The following ANKFN1 variants were observed in gnomAD, a reference collection of about 807,000 sequenced individuals.
ANKFN1 encodes ankyrin repeat and fibronectin type III domain containing 1.
Under a neutral mutation model 108.7 loss-of-function variants are expected in ANKFN1, and 74 were observed. That is an observed-to-expected ratio of 0.68 (90% confidence interval 0.56 to 0.83). The LOEUF (loss-of-function observed/expected upper bound fraction) is 0.83, where lower values mean the gene tolerates loss of function less well. Ranked by LOEUF, ANKFN1 falls within the 40% of genes least tolerant of loss-of-function variation. The pLI, the probability that ANKFN1 is intolerant of heterozygous loss-of-function variation, is 0.00. For synonymous variants in ANKFN1, 547 were observed against 516.2 expected (o/e 1.06, Z -0.81); for missense variants, 1,505 against 1,382.3 (o/e 1.09, Z -1.41).
intron 1 of ANKFN1, among the ~76,000 whole-genome samples, chr17:56,165,024 G>A (rs75647582): frequency 0.024 from 3,635 of 152,290 alleles, 131 homozygotes; most frequent in African/African-American, 0.083. Flanking sequence ...TAATGTTTCA[G>A]AGCCCACCTA....
intron 4 of ANKFN1, among the ~76,000 whole-genome samples, 187 bp downstream of exon 4, chr17:56,326,542 G>A (rs1046637349): frequency 7.2e-5 from 11 of 152,192 alleles, no homozygotes; most frequent in Non-Finnish European, 1.5e-5. Flanking sequence ...GTCTGCAATT[G>A]TACATACACG....
At chr17:56,368,056 C>A in intron 6 of ANKFN1, 1 of 566,094 alleles carries the variant, frequency 1.8e-6, no homozygotes, top group Non-Finnish European at 2.7e-6. Context: ...GAAAATAGCC[C>A]CATTCTGCCA....
At chr17:56,377,459 T>TG (rs1322686780) in intron 8 of ANKFN1, among the ~76,000 whole-genome samples, 2 of 94,578 alleles carry the variant, frequency 2.1e-5, no homozygotes, top group Non-Finnish European at 5.4e-5. Flanking sequence ...TTTTTCTGAA[T>TG]TTCCCCTGAA....
In ANKFN1 at chr17:56,350,887, C is replaced by A; in HGVS notation, c.310C>A (p.Leu104Met). ...CCTGTACAGGAACCTCTCTGAGAAACTGAAAGGGAGCCACTCTTCCTTCGA... is the reference window on the plus strand; with the variant it reads ...CCTGTACAGGAACCTCTCTGAGAAAATGAAAGGGAGCCACTCTTCCTTCGA... ...KRLYRNLSEK[L>M]KGSHSSFDEA... Residue 104 changes from leucine (L) to methionine (M), a missense_variant, in exon 5 of 21, where the codon CTG becomes ATG. Leu to Met is a conservative substitution (Grantham distance 15). Coordinates refer to ENST00000682825, the MANE Select transcript of ANKFN1 (RefSeq NM_001370326.1). 4 of 1,613,802 alleles carry A rather than the reference C, an allele frequency of 2.5e-6. No individual in the cohort carries two copies. The highest frequency in any genetic ancestry group is 3.4e-6 in the Non-Finnish European group (4 of 1,179,878).
Position 56,065,994 on chromosome 17 carries a change from T to A in ANKFN1, c.288+19669T>A, listed in dbSNP as rs1209064470. On this transcript the variant is annotated intron_variant, in intron 4 of 12. Coordinates refer to the ANKFN1 transcript ENST00000635860. ...AATAAAGTGAAGCAACAAAATTAGG[T>A]ATGCCTATGCCTATGACCACACCTT... 2.0e-5 allele frequency among the ~76,000 whole-genome samples: 3 copies of A among 152,180 alleles called. No homozygotes were observed. The East Asian group carries it at 5.8e-4, about 29-fold the overall frequency.
At chr17:56,313,165 GA>G (rs1022415415) in intron 3 of ANKFN1, among the ~76,000 whole-genome samples, 2 of 141,914 alleles carry the variant, frequency 1.4e-5, no homozygotes, top group Admixed American at 7.1e-5. Context: ...AAAAAAAAAA[GA>G]AAAAAAAACC....
At chr17:56,410,726 A>G (rs1013964201) in intron 8 of ANKFN1, among the ~76,000 whole-genome samples, 12 of 152,036 alleles carry the variant, frequency 7.9e-5, no homozygotes, top group Non-Finnish European at 1.3e-4. Context: ...CTCTCTGCCA[A>G]CCTCTGGTAA....
At chr17:56,324,524 C>T (rs1598407267) in intron 3 of ANKFN1, among the ~76,000 whole-genome samples, 1 of 152,114 alleles carries the variant, frequency 6.6e-6, no homozygotes, top group Non-Finnish European at 1.5e-5. Flanking sequence ...GTTACTCAGT[C>T]ACCTAGCTTA....
At chr17:56,503,516 T>C (rs1201504563) in intron 20 of ANKFN1, among the ~76,000 whole-genome samples, 3 of 137,582 alleles carry the variant, frequency 2.2e-5, no homozygotes, top group South Asian at 2.2e-4. Context: ...TATATATATA[T>C]ATATATATAT....
rs117456005 is a variant in ANKFN1, at chr17:56,253,918, T to C, written c.53+25961T>C. On this transcript the variant is annotated intron_variant, in intron 3 of 20. Transcript: ENST00000682825. ...ACATTGTATTTTGGGTATTTACATA[T>C]GTATCTTCATATCTTCTGTGTAAGC... 4.2e-3 allele frequency among the ~76,000 whole-genome samples: 638 copies of C among 152,286 alleles called. 1 individual carries two copies. Among genetic ancestry groups the C allele is most frequent in the Non-Finnish European group, 6.6e-3 (450 of 68,024 alleles).
intron 6 of ANKFN1, among the ~76,000 whole-genome samples, chr17:56,367,332 T>C (rs2046688760): frequency 6.6e-6 from 1 of 152,212 alleles, no homozygotes; most frequent in Admixed American, 6.5e-5. Flanking sequence ...TAAGTAGCAA[T>C]CCATAGGTTA....
At chr17:56,456,141 C>T (rs925189603) in intron 11 of ANKFN1, among the ~76,000 whole-genome samples, 1 of 152,078 alleles carries the variant, frequency 6.6e-6, no homozygotes, top group Non-Finnish European at 1.5e-5. Context: ...CGTAGACTTA[C>T]AGGGAATGCT....
chr17:56,404,529 C>T (rs1481858141), intron 8 of ANKFN1, among the ~76,000 whole-genome samples: 3 of 152,076 alleles, frequency 2.0e-5, no homozygotes, highest in Non-Finnish European at 2.9e-5. Context: ...TTTCTTCAAG[C>T]GATCTATGTC....
intron 4 of ANKFN1, among the ~76,000 whole-genome samples, chr17:56,332,138 G>T (rs2045680399): frequency 6.6e-6 from 1 of 152,078 alleles, no homozygotes; most frequent in Non-Finnish European, 1.5e-5. Context: ...GGTCTTGTTG[G>T]GTCAGGGCTG....
chr17:56,285,580 C>T (rs1204145385), intron 3 of ANKFN1, among the ~76,000 whole-genome samples: 1 of 152,108 alleles, frequency 6.6e-6, no homozygotes, highest in East Asian at 1.9e-4. Flanking sequence ...TGTTTTCCTT[C>T]TTAGCTTTTC....
chr17:56,511,525 A>C lies in ANKFN1; in HGVS notation c.*256A>C. 1 of 453,170 alleles carries C rather than the reference A, an allele frequency of 2.2e-6. No individual in the cohort carries two copies. The highest frequency in any genetic ancestry group is 3.9e-6 in the Non-Finnish European group (1 of 256,536). 28.1% of individuals were successfully genotyped at this position (453,170 alleles called of 1,614,324 possible). ...TCAACATGGAATACGACATACAGTGACTCAAACATGCCACCCTGTTGGTGG... is the reference window on the plus strand; with the variant it reads ...TCAACATGGAATACGACATACAGTGCCTCAAACATGCCACCCTGTTGGTGG... On this transcript the variant is annotated 3_prime_UTR_variant, in exon 21 of 21. Coordinates refer to ENST00000682825, the MANE Select transcript of ANKFN1 (RefSeq NM_001370326.1).
intron 4 of ANKFN1, among the ~76,000 whole-genome samples, chr17:56,061,174 G>A (rs1904967291): frequency 6.6e-6 from 1 of 150,866 alleles, no homozygotes; most frequent in South Asian, 2.1e-4. Context: ...GGGTGTATGT[G>A]TCCAGGAATT....
chr17:56,125,015 C>T (rs898812908), intron 4 of ANKFN1, among the ~76,000 whole-genome samples: 1 of 152,212 alleles, frequency 6.6e-6, no homozygotes, highest in African/African-American at 2.4e-5. Context: ...CTCTTCTCCC[C>T]ACTCTTCCCA....
intron 1 of ANKFN1, among the ~76,000 whole-genome samples, chr17:56,201,671 GAA>G (rs200036417): frequency 9.1e-4 from 133 of 145,978 alleles, no homozygotes; most frequent in African/African-American, 2.3e-3. Flanking sequence ...TGTTATTTGT[GAA>G]AAAAAAAAAA....
Sources: allele counts gnomAD v4.1 joint callset (sites outside exome capture counted in the v4.1 genomes callset), GRCh38; gene constraint gnomAD v4.1.1; transcripts MANE v1.5; gene names NCBI Gene and HGNC (gene_info 2026-07-23, HGNC 2026-07-21).